The following FBXL13 variants were observed in gnomAD, a reference collection of about 807,000 sequenced individuals.
FBXL13 encodes the protein F-box and leucine rich repeat protein 13, also known as F-box and leucine-rich repeat protein 13.
Under a neutral mutation model 83.6 loss-of-function variants are expected in FBXL13, and 67 were observed. The observed-to-expected ratio is 0.80, with a 90% CI of 0.66 to 0.98. The LOEUF (loss-of-function observed/expected upper bound fraction) is 0.98, where lower values mean the gene tolerates loss of function less well. FBXL13 is among the 50% of genes least tolerant of loss of function. The probability of loss-of-function intolerance (pLI) is 0.00; values close to 1 mark genes in which losing one functional copy is unlikely to be tolerated. For synonymous variants in FBXL13, 272 were observed against 299.5 expected, an observed-to-expected ratio of 0.91 and a Z score of 0.95; for missense variants, 822 against 866.5, an observed-to-expected ratio of 0.95 and a Z score of 0.64.
chr7:102,976,263 G>A (rs890642632), intron 6 of FBXL13: 8 of 702,546 alleles, frequency 1.1e-5, no homozygotes, highest in African/African-American at 8.7e-5. Flanking sequence ...TTAATACCAG[G>A]GCAACCTATT....
intron 8 of FBXL13, chr7:102,939,484 C>T: frequency 6.2e-7 from 1 of 1,613,792 alleles, no homozygotes; most frequent in East Asian, 2.2e-5. Context: ...CTTGACTTGT[C>T]ATACAATAAA....
At chr7:102,939,619 G>A (rs778248770) in intron 8 of FBXL13, 2 of 1,559,374 alleles carry the variant, frequency 1.3e-6, no homozygotes, top group Admixed American at 4.0e-5. Context: ...TCAATGGGTG[G>A]CAAGTGTTCT....
At chr7:102,949,095 C>T (rs904331507) in intron 8 of FBXL13, among the ~76,000 whole-genome samples, 1 of 152,112 alleles carries the variant, frequency 6.6e-6, no homozygotes, top group Middle Eastern at 3.2e-3. Flanking sequence ...TTCAATCAGC[C>T]AAACAGCCCA....
At chr7:102,866,979 C>G (rs1355873821) in intron 16 of FBXL13, among the ~76,000 whole-genome samples, 1 of 152,174 alleles carries the variant, frequency 6.6e-6, no homozygotes, top group Non-Finnish European at 1.5e-5. Context: ...GAGACATATA[C>G]AAAGTGCAGT....
chr7:103,017,929 A>G (rs1585381028), intron 6 of FBXL13, among the ~76,000 whole-genome samples: 1 of 152,224 alleles, frequency 6.6e-6, no homozygotes, highest in East Asian at 1.9e-4. Context: ...AACTTCCCCA[A>G]TCTAGCAAGG....
chr7:103,031,858 T>C (rs910443540), intron 2 of FBXL13, among the ~76,000 whole-genome samples: 22 of 152,336 alleles, frequency 1.4e-4, no homozygotes, highest in Middle Eastern at 3.4e-3. Context: ...AAGAAGCCAG[T>C]TGGAATCAAC....
intron 6 of FBXL13, among the ~76,000 whole-genome samples, chr7:103,006,026 T>C (rs752694644): frequency 7.2e-5 from 11 of 152,132 alleles, no homozygotes; most frequent in Non-Finnish European, 1.5e-4. Flanking sequence ...AAACAACTGC[T>C]TTCAGATGTG....
intron 2 of FBXL13, among the ~76,000 whole-genome samples, chr7:103,035,384 G>A (rs1038462201): frequency 2.6e-5 from 4 of 152,194 alleles, no homozygotes; most frequent in African/African-American, 7.2e-5. Context: ...GGAGCTAGAG[G>A]CAGTGAAATC....
At chr7:102,822,430 A>G in intron 18 of FBXL13, 6 of 650,016 alleles carry the variant, frequency 9.2e-6, no homozygotes, top group South Asian at 3.0e-5. Context: ...AGATGCCTCC[A>G]TTCTTGCTAT....
At chr7:102,989,036 G>A (rs549457714) in intron 6 of FBXL13, among the ~76,000 whole-genome samples, 1 of 152,260 alleles carries the variant, frequency 6.6e-6, no homozygotes, top group Non-Finnish European at 1.5e-5. Context: ...CACTTTATGA[G>A]GAAGCTACAA....
At chr7:103,034,319 C>T (rs561454505) in intron 2 of FBXL13, among the ~76,000 whole-genome samples, 27 of 152,310 alleles carry the variant, frequency 1.8e-4, no homozygotes, top group Admixed American at 9.1e-4. Flanking sequence ...GAGGCTAGGG[C>T]GGCACAGGAG....
intron 8 of FBXL13, among the ~76,000 whole-genome samples, chr7:102,948,870 C>A (rs1822967257): frequency 6.6e-6 from 1 of 152,108 alleles, no homozygotes. Context: ...CATCACCATA[C>A]CTGGCTAATT....
chr7:103,060,044 A>T (rs1797732943), intron 1 of FBXL13, among the ~76,000 whole-genome samples: 1 of 100,770 alleles, frequency 9.9e-6, no homozygotes, highest in African/African-American at 4.3e-5. Flanking sequence ...ATATATATAT[A>T]TATATATATA....
At position 102,822,064 on chromosome 7, in the gene FBXL13, AT is replaced by A. The variant is rs1798873912; in HGVS notation, c.1993del (p.Met665CysfsTer48). The A allele has an allele frequency of 4.3e-6, 7 of 1,614,124 alleles. No homozygotes were observed. The South Asian group carries it at 7.7e-5, about 18-fold the overall frequency. ...CTTGGAAATATTTGTGCAGTATTGC[AT>A]CTTAAGGATCCGGAGTTGTTTGCAG... is the stretch of plus-strand genomic sequence containing the variant. On this transcript the variant is annotated frameshift_variant, in exon 19 of 20. Coordinates refer to ENST00000313221, the Ensembl canonical transcript of FBXL13. LOFTEE classifies it low-confidence loss of function (END_TRUNC).
At chr7:103,074,415 T>C (rs1799422746) in exon 1 of FBXL13, 3 of 1,084,616 alleles carry the variant, frequency 2.8e-6, no homozygotes, top group Non-Finnish European at 3.4e-6. Context: ...AATCTGAGTT[T>C]GGGGTTTCCG....
At chr7:102,975,906 T>C (rs765739821) in intron 6 of FBXL13, 19 of 758,756 alleles carry the variant, frequency 2.5e-5, no homozygotes, top group Middle Eastern at 3.5e-4. Flanking sequence ...CTGCAGGCCA[T>C]GGGGCCACAG....
At chr7:102,894,004 GA>G (rs201960044) in intron 11 of FBXL13, among the ~76,000 whole-genome samples, 2,640 of 148,940 alleles carry the variant, frequency 0.018, 93 homozygotes, top group African/African-American at 0.061. Flanking sequence ...AAAGAGGAAA[GA>G]AAAGAAAGAG....
chr7:102,861,982 C>CAAAAAA lies in FBXL13; in HGVS notation c.1636-7128_1636-7123dup, dbSNP rs59375342. On this transcript the variant is annotated intron_variant, in intron 16 of 19. Coordinates refer to ENST00000313221, the Ensembl canonical transcript of FBXL13. ...GGATGACAGAGTGAGACTGTGTCTCCAAAAAAAAAAAAAAAATTCACATCT... is the reference window on the plus strand; with the variant it reads ...GGATGACAGAGTGAGACTGTGTCTCCAAAAAAAAAAAAAAAAAAAAAATTCACATCT... Among the ~76,000 whole-genome samples, 437 of 120,000 alleles carry CAAAAAA rather than the reference C, an allele frequency of 3.6e-3. 6 individuals are homozygous for CAAAAAA. The highest frequency in any genetic ancestry group is 0.012 in the African/African-American group (397 of 33,338). 78.7% of individuals were successfully genotyped at this position (120,000 alleles called of 152,430 possible). A position where few individuals can be genotyped will look rare whatever the true frequency, so the allele number is the denominator to read the frequency against.
At chr7:102,942,751 T>TTTTTTAAG (rs1191166012) in intron 8 of FBXL13, among the ~76,000 whole-genome samples, 2 of 152,330 alleles carry the variant, frequency 1.3e-5, no homozygotes, top group East Asian at 3.9e-4. Flanking sequence ...GGGGGAATTA[T>TTTTTTAAG]GGGTTTTTTC....
Sources: gnomAD v4.1 joint callset for allele counts (sites outside exome capture counted in the v4.1 genomes callset) on GRCh38, gnomAD v4.1.1 for gene constraint, MANE v1.5 for transcripts, NCBI Gene and HGNC (gene_info 2026-07-23, HGNC 2026-07-21) for gene names.